STPG1: variants seen among roughly 807,000 people sequenced by gnomAD.
STPG1 encodes the protein sperm tail PG-rich repeat containing 1, also known as O(6)-methylguanine-induced apoptosis 2.
Under a neutral mutation model 40.1 loss-of-function variants are expected in STPG1, and 33 were observed. That is an observed-to-expected ratio of 0.82 (90% CI 0.62 to 1.10). The LOEUF is 1.10. Among genes scored for constraint, STPG1 ranks in the 50% least tolerant of loss-of-function variants. The pLI is 0.00. For missense variants in STPG1, 396 were observed against 415.1 expected, an observed-to-expected ratio of 0.95 and a Z score of 0.40; for synonymous variants, 150 against 155.0, an observed-to-expected ratio of 0.97 and a Z score of 0.24.
At chr1:24,390,357 G>A (rs539646139) in intron 3 of STPG1, among the ~76,000 whole-genome samples, 1 of 152,310 alleles carries the variant, frequency 6.6e-6, no homozygotes, top group Admixed American at 6.5e-5. Context: ...GAAAAGAGAT[G>A]CGGCAAGATT....
chr1:24,404,105 C>T (rs929865453), intron 1 of STPG1, among the ~76,000 whole-genome samples: 15 of 152,056 alleles, frequency 9.9e-5, no homozygotes, highest in African/African-American at 3.6e-4. Flanking sequence ...AGCTCGTTAT[C>T]ACTTCTAATC....
chr1:24,358,247 G>T lies in STPG1; in HGVS notation c.*296C>A. The T allele has an allele frequency of 1.6e-6, 1 of 617,310 alleles. No homozygotes were observed. Among genetic ancestry groups the T allele is most frequent in the Non-Finnish European group, 3.0e-6 (1 of 330,544 alleles). The allele number at this position is 617,310 out of a possible 1,614,324, so 38.2% of individuals were successfully genotyped here. On this transcript the variant is annotated 3_prime_UTR_variant, in exon 9 of 9. Transcript: ENST00000337248. ...TCTGCGGCAGGGAGTCGTGCCGGAA[G>T]GCAGCCTGGATGGGTGCGTGGGGAA... is the stretch of plus-strand genomic sequence containing the variant.
In STPG1 at chr1:24,360,983, A is replaced by G. The variant is rs750618882; in HGVS notation, c.796T>C (p.Phe266Leu). The change falls in exon 8 of 9, where the codon TTC becomes CTC. Residue 266 changes from phenylalanine to leucine, a missense_variant. Transcript: ENST00000337248. ...QPSPLPPKPP[F>L]PGPGQYEIVD... ...ATCTCATACTGACCAGGACCTGGGA[A>G]AGGTGGCTTCGGAGGCAGAGGCGAA... The G allele has an allele frequency of 6.2e-7, 1 of 1,613,744 alleles. No individual in the cohort carries two copies. Among genetic ancestry groups the G allele is most frequent in the Admixed American group, 1.7e-5 (1 of 59,938 alleles).
chr1:24,365,905 A>G (rs557032822), intron 7 of STPG1, among the ~76,000 whole-genome samples: 8 of 152,268 alleles, frequency 5.3e-5, no homozygotes, highest in African/African-American at 1.9e-4. Flanking sequence ...TCCACTGCCC[A>G]CGCTGCCTCC....
At chr1:24,413,886 T>A (rs982342533), upstream of STPG1, 8 of 152,238 alleles carry the variant, frequency 5.3e-5, no homozygotes, top group African/African-American at 1.9e-4. Context: ...GGGCTTAGGT[T>A]AATTACATCA....
chr1:24,358,638 G>T lies in STPG1; in HGVS notation c.929-19C>A, dbSNP rs761261576. On this transcript the variant is annotated intron_variant, in intron 8 of 8. Coordinates refer to ENST00000337248, the MANE Select transcript of STPG1 (RefSeq NM_001199013.2). Reference sequence around the variant, plus strand: ...TACGTAGCTGTGAGGGGACAGAGAGGCGGAGGCATTAAGAGAGAAAAGGCC... The same window carrying T: ...TACGTAGCTGTGAGGGGACAGAGAGTCGGAGGCATTAAGAGAGAAAAGGCC... The T allele has an allele frequency of 6.3e-7, 1 of 1,597,682 alleles. No individual in the cohort carries two copies. The highest frequency in any genetic ancestry group is 1.7e-5 in the Admixed American group (1 of 59,850).
intron 6 of STPG1, among the ~76,000 whole-genome samples, 188 bp downstream of exon 6, chr1:24,373,514 A>G (rs1231215653): frequency 2.0e-5 from 3 of 152,188 alleles, no homozygotes; most frequent in Non-Finnish European, 4.4e-5. Context: ...AGAGCCAGCC[A>G]TTGTCCTCCT....
rs142007584 is a variant in STPG1, at chr1:24,379,729, G to A, written c.386C>T (p.Ser129Leu). The change falls in exon 5 of 9, where the codon TCG becomes TTG. Residue 129 changes from serine (S) to leucine (L), a missense_variant. Transcript: ENST00000337248. ...TGGCAACTGGAACATGCTGGAACAC[G>A]AATTACTAAAGTCTCTCTTGGAAAT... Reference protein sequence around the residue: ...DFISKRDFSNSCSSMFQLPSF... With the variant: ...DFISKRDFSNLCSSMFQLPSF... The A allele has an allele frequency of 1.7e-5, 28 of 1,614,042 alleles. No homozygotes were observed. The highest frequency in any genetic ancestry group is 7.7e-5 in the South Asian group (7 of 91,078).
At chr1:24,387,774 A>G (rs1397851959) in intron 3 of STPG1, among the ~76,000 whole-genome samples, 3 of 152,174 alleles carry the variant, frequency 2.0e-5, no homozygotes, top group East Asian at 3.9e-4. Context: ...TGACTGATAC[A>G]GAGAAGTCAG....
chr1:24,369,008 CAT>C (rs1641601095), intron 7 of STPG1: 1 of 188,386 alleles, frequency 5.3e-6, no homozygotes, highest in African/African-American at 2.4e-5. Context: ...CCCAGCCAAA[CAT>C]GTATTTTTAA....
intron 2 of STPG1, among the ~76,000 whole-genome samples, chr1:24,394,453 TAGG>T (rs1278763373): frequency 6.6e-6 from 1 of 151,988 alleles, no homozygotes; most frequent in African/African-American, 2.4e-5. Context: ...AAAAAATTAA[TAGG>T]AGGAAGAAGG....
At chr1:24,401,610 T>C (rs577972649) in intron 1 of STPG1, among the ~76,000 whole-genome samples, 154 bp from the exon 2 acceptor site, 38 of 152,374 alleles carry the variant, frequency 2.5e-4, no homozygotes, top group Non-Finnish European at 4.9e-4. Context: ...AAGCACATTG[T>C]GCTGGTGCTG....
At chr1:24,387,466 A>G (rs1351061993) in intron 3 of STPG1, among the ~76,000 whole-genome samples, 1 of 152,176 alleles carries the variant, frequency 6.6e-6, no homozygotes, top group Non-Finnish European at 1.5e-5. Context: ...TGTCAAGGGC[A>G]TAAGACGAGC....
At chr1:24,364,637 G>C (rs559204101) in intron 7 of STPG1, among the ~76,000 whole-genome samples, 28 of 152,318 alleles carry the variant, frequency 1.8e-4, no homozygotes, top group Admixed American at 9.1e-4. Context: ...CCAGGCATCT[G>C]AGGCCCACAT....
intron 7 of STPG1, among the ~76,000 whole-genome samples, chr1:24,361,344 T>C (rs185709886): frequency 5.3e-5 from 8 of 152,268 alleles, no homozygotes; most frequent in East Asian, 1.9e-4. Flanking sequence ...TCAGTGTGCA[T>C]TGCTGGAGAT....
In STPG1 at chr1:24,401,475, G is replaced by A. The variant is rs549444180; in HGVS notation, c.-68-19C>T. The A allele has an allele frequency of 9.2e-7, 1 of 1,086,050 alleles. No homozygotes were observed. The highest frequency in any genetic ancestry group is 1.6e-5 in the African/African-American group (1 of 64,008). The allele number at this position is 1,086,050 out of a possible 1,614,324, so 67.3% of individuals were successfully genotyped here. A position where few individuals can be genotyped will look rare whatever the true frequency, so the allele number is the denominator to read the frequency against. On this transcript the variant is annotated intron_variant, in intron 1 of 8. Transcript: ENST00000337248. ...TAAGCACCTGAAACAGCAAAACACA[G>A]CATTTGTAGAGATCATTTCACATTG... is the stretch of plus-strand genomic sequence containing the variant.
chr1:24,379,072 G>A (rs1337021398), intron 5 of STPG1, among the ~76,000 whole-genome samples: 1 of 152,160 alleles, frequency 6.6e-6, no homozygotes, highest in African/African-American at 2.4e-5. Flanking sequence ...CCATTTTACA[G>A]ATCAGTAAAC....
rs567405959 is a variant in STPG1 at position 24,391,562 on chromosome 1, T to C, written c.188A>G (p.Lys63Arg). ...NSQAKRFPHKKNDIPGPGFYN... is the reference protein window; with the variant it reads ...NSQAKRFPHKRNDIPGPGFYN... ...GAACCCCTGAGACAACGTCATTACC[T>C]TCTTATGAGGAAATCTCTTGGCTTG... The change falls in exon 3 of 9, where the codon AAG becomes AGG. Residue 63 changes from lysine (K) to arginine (R), a missense_variant and splice_region_variant. Lys to Arg is a conservative substitution (Grantham distance 26, BLOSUM62 2). Transcript: ENST00000337248. 7 of 1,516,700 alleles carry C rather than the reference T, an allele frequency of 4.6e-6. No homozygotes were observed. The South Asian group carries it at 8.4e-5, about 18-fold the overall frequency. The allele number at this position is 1,516,700 out of a possible 1,614,324, so 94.0% of individuals were successfully genotyped here.
chr1:24,368,352 CT>C (rs1641569437), intron 7 of STPG1, among the ~76,000 whole-genome samples: 1 of 152,222 alleles, frequency 6.6e-6, no homozygotes, highest in Admixed American at 6.5e-5. Flanking sequence ...TTCTGACCCA[CT>C]GTGGCTATGG....
Sources: allele counts gnomAD v4.1 joint callset (sites outside exome capture counted in the v4.1 genomes callset), GRCh38; gene constraint gnomAD v4.1.1; transcripts MANE v1.5; gene names NCBI Gene and HGNC (gene_info 2026-07-23, HGNC 2026-07-21).